The following PLEKHG1 variants were observed in gnomAD, a reference collection of about 807,000 sequenced individuals.
PLEKHG1 encodes pleckstrin homology domain-containing family G member 1.
A neutral mutation model predicts 100.8 loss-of-function variants in PLEKHG1; 44 were observed. That is an observed-to-expected ratio of 0.44 (90% confidence interval 0.34 to 0.56). PLEKHG1 has a LOEUF of 0.56. Ranked by LOEUF, PLEKHG1 falls within the 20% of genes least tolerant of loss-of-function variation. PLEKHG1 has a pLI of 0.01. For synonymous variants in PLEKHG1, 640 were observed against 662.5 expected (o/e 0.97, Z 0.52); for missense variants, 1,545 against 1,720.9 (o/e 0.90, Z 1.81).
At chr6:150,804,495 A>C (rs1294952762) in intron 6 of PLEKHG1, 115 bp from the exon 8 acceptor site, 20 of 883,980 alleles carry the variant, frequency 2.3e-5, no homozygotes, top group Non-Finnish European at 2.8e-5. Context: ...GATAGTGTGT[A>C]AATAAATAAG....
chr6:150,814,701 C>T (rs1168901137), intron 10 of PLEKHG1, among the ~76,000 whole-genome samples: 2 of 152,112 alleles, frequency 1.3e-5, no homozygotes, highest in African/African-American at 4.8e-5. Context: ...GCAATAAAAA[C>T]ACCTTTTTTT....
chr6:150,674,528 C>T (rs920997262), intron 3 of PLEKHG1, among the ~76,000 whole-genome samples: 1 of 151,786 alleles, frequency 6.6e-6, no homozygotes, highest in Non-Finnish European at 1.5e-5. Flanking sequence ...AGGTTCAAAG[C>T]ATTGTTATCA....
chr6:150,766,697 A>G (rs1215895865), intron 2 of PLEKHG1, among the ~76,000 whole-genome samples: 1 of 152,222 alleles, frequency 6.6e-6, no homozygotes, highest in African/African-American at 2.4e-5. Flanking sequence ...ATGGGCCATC[A>G]GTTGTTGGAT....
At position 150,699,974 on chromosome 6, in the gene PLEKHG1, G is replaced by A. The variant is rs80179214; in HGVS notation, c.-98-33610G>A. Reference sequence around the variant, plus strand: ...CAATAGAGCCAAATTTTAGATCACTGGTTTTGGTAAATAGCTCATAGTGAG... The same window carrying A: ...CAATAGAGCCAAATTTTAGATCACTAGTTTTGGTAAATAGCTCATAGTGAG... On this transcript the variant is annotated intron_variant, in intron 3 of 3. Coordinates refer to the PLEKHG1 transcript ENST00000367326. Among the ~76,000 whole-genome samples, 69 of 152,296 alleles carry A rather than the reference G, an allele frequency of 4.5e-4. 2 individuals are homozygous for A. The East Asian group carries it at 0.013, about 28-fold the overall frequency.
At chr6:150,774,678 C>T (rs1397042093) in intron 3 of PLEKHG1, among the ~76,000 whole-genome samples, 1 of 151,050 alleles carries the variant, frequency 6.6e-6, no homozygotes, top group Non-Finnish European at 1.5e-5. Context: ...GTAGCTGGGA[C>T]TACAGGCACA....
intron 4 of PLEKHG1, among the ~76,000 whole-genome samples, chr6:150,788,707 T>G (rs1458232717): frequency 6.6e-6 from 1 of 152,212 alleles, no homozygotes; most frequent in African/African-American, 2.4e-5. Context: ...TCATCTTGAC[T>G]GGCAGCAAGG....
intron 15 of PLEKHG1, among the ~76,000 whole-genome samples, chr6:150,833,802 A>G (rs2128690331): frequency 6.6e-6 from 1 of 152,326 alleles, no homozygotes; most frequent in African/African-American, 2.4e-5. Flanking sequence ...CTATTCTACA[A>G]TTAAAAGTGA....
intron 3 of PLEKHG1, among the ~76,000 whole-genome samples, chr6:150,777,055 G>T (rs181757367): frequency 6.8e-6 from 1 of 146,696 alleles, no homozygotes; most frequent in Non-Finnish European, 1.5e-5. Context: ...GTGCACATGT[G>T]CAGTTGCACA....
chr6:150,833,323 G>A (rs1373725745), intron 15 of PLEKHG1, among the ~76,000 whole-genome samples: 1 of 152,218 alleles, frequency 6.6e-6, no homozygotes, highest in African/African-American at 2.4e-5. Flanking sequence ...AAAGTGCTAG[G>A]ATTACAGGCG....
chr6:150,809,557 G>T, intron 9 of PLEKHG1, 81 bp downstream of exon 10: 2 of 1,487,170 alleles, frequency 1.3e-6, no homozygotes, highest in African/African-American at 2.8e-5. Context: ...TTTTGAGAGC[G>T]TTCTGGCCAC....
chr6:150,756,164 G>T (rs946728066), intron 2 of PLEKHG1, among the ~76,000 whole-genome samples: 2 of 149,036 alleles, frequency 1.3e-5, no homozygotes, highest in Non-Finnish European at 3.0e-5. Context: ...GGACATCTTC[G>T]TGTTTACCCC....
intron 3 of PLEKHG1, among the ~76,000 whole-genome samples, chr6:150,715,579 C>G (rs1394874877): frequency 1.3e-5 from 2 of 150,830 alleles, no homozygotes; most frequent in Admixed American, 1.3e-4. Context: ...CTTCTGCCGC[C>G]TGAGTTCAAG....
intron 4 of PLEKHG1, 139 bp from the exon 6 acceptor site, chr6:150,795,717 C>T (rs1041414071): frequency 3.9e-4 from 142 of 360,284 alleles, no homozygotes; most frequent in African/African-American, 2.6e-3. Context: ...AGCAAAACTC[C>T]GCCTAAAAAA....
chr6:150,744,525 C>A (rs1783048075), intron 2 of PLEKHG1, among the ~76,000 whole-genome samples: 1 of 152,216 alleles, frequency 6.6e-6, no homozygotes, highest in Non-Finnish European at 1.5e-5. Flanking sequence ...AATCAACCCA[C>A]ATTGTTGTGG....
intron 3 of PLEKHG1, among the ~76,000 whole-genome samples, chr6:150,680,910 A>C (rs1779907632): frequency 6.6e-6 from 1 of 152,240 alleles, no homozygotes; most frequent in Non-Finnish European, 1.5e-5. Flanking sequence ...AAGTTGCCTT[A>C]GATGGGCAAG....
At chr6:150,610,146 G>T (rs974316498) in intron 1 of PLEKHG1, among the ~76,000 whole-genome samples, 2 of 152,148 alleles carry the variant, frequency 1.3e-5, no homozygotes, top group Admixed American at 6.5e-5. Context: ...CTGTCACCCA[G>T]GCTGGAGTGC....
At chr6:150,702,557 GGTGTGTGTGTGTGTGTGTGTGT>G (rs56768740) in intron 3 of PLEKHG1, among the ~76,000 whole-genome samples, 3 of 142,830 alleles carry the variant, frequency 2.1e-5, no homozygotes, top group Non-Finnish European at 4.5e-5. Flanking sequence ...TTTGTTTTGG[GGTGTGTGTGTGTGTGTGTGTGT>G]GTGTGTGTGT....
intron 3 of PLEKHG1, among the ~76,000 whole-genome samples, chr6:150,680,310 GA>G (rs899930471): frequency 2.0e-5 from 3 of 152,134 alleles, no homozygotes; most frequent in African/African-American, 4.8e-5. Context: ...TGGAGTGATG[GA>G]AAAAAGGTGG....
At chr6:150,823,731 G>C (rs533994614) in intron 14 of PLEKHG1, 55 bp downstream of exon 15, 13 of 1,333,046 alleles carry the variant, frequency 9.8e-6, no homozygotes, top group Admixed American at 1.8e-5. Context: ...ACCTTTCATA[G>C]GTGTCCCTTC....
Sources: gnomAD v4.1 joint callset for allele counts (sites outside exome capture counted in the v4.1 genomes callset) on GRCh38, gnomAD v4.1.1 for gene constraint, MANE v1.5 for transcripts, NCBI Gene and HGNC (gene_info 2026-07-23, HGNC 2026-07-21) for gene names.